Variants in SH2D2A observed in about 807,000 individuals in gnomAD.
SH2D2A encodes the protein SH2 domain-containing protein 2A.
Under a neutral mutation model 43.6 loss-of-function variants are expected in SH2D2A, and 33 were observed. That is an observed-to-expected ratio of 0.76 (90% CI 0.57 to 1.01). The LOEUF (loss-of-function observed/expected upper bound fraction) is 1.01, where lower values mean the gene tolerates loss of function less well. SH2D2A is among the 50% of genes least tolerant of loss of function. The probability of loss-of-function intolerance (pLI) is 0.00; values close to 1 mark genes in which losing one functional copy is unlikely to be tolerated. For synonymous variants in SH2D2A, 212 were observed against 206.1 expected (o/e 1.03, Z -0.25); for missense variants, 491 against 503.1 (o/e 0.98, Z 0.23).
In SH2D2A at chr1:156,809,598, C is replaced by G; in HGVS notation, c.714+63G>C. 1.3e-6 allele frequency: 2 copies of G among 1,565,866 alleles called. No individual in the cohort carries two copies. Among genetic ancestry groups the G allele is most frequent in the Non-Finnish European group, 1.7e-6 (2 of 1,157,048 alleles). ...TGCCCCCGCTAGGCCCCTCCTCCTC[C>G]CCGCTGCCTGCACCCCCTCGCAGGC... On this transcript the variant is annotated intron_variant, in intron 6 of 8. Coordinates refer to ENST00000368199, the MANE Select transcript of SH2D2A (RefSeq NM_003975.4). This position sits in a 1 kb window ranked among gnomAD's most constrained non-coding sequence, Gnocchi z 4.8.
intron 3 of SH2D2A, 189 bp from the exon 4 acceptor site, chr1:156,814,483 A>C (rs1165716734): frequency 1.7e-6 from 2 of 1,146,340 alleles, no homozygotes; most frequent in African/African-American, 1.6e-5. Flanking sequence ...TTAGGCGTGG[A>C]CAGGGGCCAG....
intron 5 of SH2D2A, 31 bp downstream of exon 5, chr1:156,813,817 G>A: frequency 3.6e-6 from 5 of 1,390,430 alleles, no homozygotes; most frequent in Non-Finnish European, 4.7e-6. Flanking sequence ...CCGAGACCCT[G>A]GGCTCTCTGG....
chr1:156,807,301 C>A lies in SH2D2A; in HGVS notation c.1047G>T (p.Gly349=). ...SQLHSENSVI[G]QGPPLPHQPP... ...GCTGGTGGGGCAGGGGAGGGCCTTGCCCAATCACAGAGTTCTCAGAATGCA... is the reference window on the plus strand; with the variant it reads ...GCTGGTGGGGCAGGGGAGGGCCTTGACCAATCACAGAGTTCTCAGAATGCA... The change falls in exon 8 of 9, where the codon GGG becomes GGT. Residue 349 remains glycine (G), a synonymous_variant. Coordinates refer to ENST00000368199, the MANE Select transcript of SH2D2A (RefSeq NM_003975.4). The surrounding 1 kb of genome is among the most constrained non-coding windows in gnomAD (Gnocchi z 5.1). The A allele has an allele frequency of 1.3e-6, 2 of 1,592,394 alleles. No individual in the cohort carries two copies. Among genetic ancestry groups the A allele is most frequent in the Middle Eastern group, 3.4e-4 (2 of 5,920 alleles).
chr1:156,808,283 C>CCG (rs1653117849), intron 7 of SH2D2A, among the ~76,000 whole-genome samples: 1 of 152,084 alleles, frequency 6.6e-6, no homozygotes. Context: ...AGCTGGGTAG[C>CCG]TGGAGAGTTA....
intron 5 of SH2D2A, among the ~76,000 whole-genome samples, chr1:156,810,033 G>A (rs1421139957): frequency 6.6e-6 from 1 of 152,128 alleles, no homozygotes; most frequent in East Asian, 1.9e-4. Context: ...GCCATATCTA[G>A]CATTAAAGTT....
rs773539471 is a variant in SH2D2A at position 156,809,469 on chromosome 1, T to TA, written c.735_736insT (p.Lys246Ter). On this transcript the variant is annotated frameshift_variant, in exon 7 of 9. Coordinates refer to ENST00000368199, the MANE Select transcript of SH2D2A (RefSeq NM_003975.4). LOFTEE classifies it high-confidence loss of function. This position sits in a 1 kb window ranked among gnomAD's most constrained non-coding sequence, Gnocchi z 4.8. ...TGAGGTTTGGCGGGGATGGGAGGCTTGGGCCTGAGCAGCTGGGAGGGCTGG... is the reference window on the plus strand; with the variant it reads ...TGAGGTTTGGCGGGGATGGGAGGCTTAGGGCCTGAGCAGCTGGGAGGGCTGG... 28 of 1,608,084 alleles carry TA rather than the reference T, an allele frequency of 1.7e-5. 1 individual carries two copies. In the South Asian group the frequency reaches 3.1e-4, roughly 18 times the overall value.
In SH2D2A at chr1:156,813,991, G is replaced by A. The variant is rs1417978754; in HGVS notation, c.424C>T (p.Leu142=). 2.0e-6 allele frequency: 3 copies of A among 1,521,982 alleles called. No individual in the cohort carries two copies. Among genetic ancestry groups the A allele is most frequent in the Non-Finnish European group, 2.6e-6 (3 of 1,136,576 alleles). The allele number at this position is 1,521,982 out of a possible 1,614,324, so 94.3% of individuals were successfully genotyped here. A position where few individuals can be genotyped will look rare whatever the true frequency, so the allele number is the denominator to read the frequency against. The change falls in exon 5 of 9, where the codon CTG becomes TTG. Residue 142 remains leucine, a synonymous_variant. Transcript: ENST00000368199. ...YRSRTCCRHF[L]LAQLRDGRHV... ...CGCCCGTCCCTGAGCTGGGCCAGCA[G>A]GAAGTGGCGGCAGCAAGTCCGGCTC...
intron 7 of SH2D2A, among the ~76,000 whole-genome samples, chr1:156,808,443 C>T (rs1192288018): frequency 2.0e-5 from 3 of 152,080 alleles, no homozygotes; most frequent in South Asian, 2.1e-4. Context: ...GGACAGGTGA[C>T]GTTAGCTCTA....
At chr1:156,814,073 C>A (rs1653636889) in intron 4 of SH2D2A, 57 bp from the exon 5 acceptor site, 1 of 1,490,110 alleles carries the variant, frequency 6.7e-7, no homozygotes. Context: ...GGGTCACCAG[C>A]GAGAGGCGTG....
At chr1:156,811,205 A>G (rs1441709389) in intron 5 of SH2D2A, among the ~76,000 whole-genome samples, 1 of 152,124 alleles carries the variant, frequency 6.6e-6, no homozygotes, top group Non-Finnish European at 1.5e-5. Flanking sequence ...ATCAAACACA[A>G]GTCCTGCTCC....
intron 5 of SH2D2A, among the ~76,000 whole-genome samples, chr1:156,812,940 C>T (rs1653524810): frequency 6.6e-6 from 1 of 152,200 alleles, no homozygotes; most frequent in Non-Finnish European, 1.5e-5. Context: ...ACAGTGGTCC[C>T]TCAGCACTGC....
rs147055208 is a variant in SH2D2A at position 156,816,697 on chromosome 1, G to A, written c.12C>T (p.Pro4=). ...TACCTTGGGGACATATCTGGGCCAG[G>A]GGGAACTCCATGAGGGCAGCCTCAC... is the stretch of plus-strand genomic sequence containing the variant. MEF[P]LAQICPQGSH... is the part of the protein sequence containing the mutation. The change falls in exon 1 of 9, where the codon CCC becomes CCT. Residue 4 remains proline (P), a synonymous_variant. Coordinates refer to ENST00000368199, the MANE Select transcript of SH2D2A (RefSeq NM_003975.4). 3.1e-6 allele frequency: 5 copies of A among 1,601,476 alleles called. No individual in the cohort carries two copies. The African/African-American group carries it at 6.8e-5, about 22-fold the overall frequency.
At chr1:156,806,942 T>G (rs1447663739) in intron 8 of SH2D2A, among the ~76,000 whole-genome samples, 3 of 152,310 alleles carry the variant, frequency 2.0e-5, no homozygotes, top group Non-Finnish European at 4.4e-5. Flanking sequence ...AGTTCAGATA[T>G]GACCTTAACA....
rs1283752350 is a variant in SH2D2A, at chr1:156,809,013, A to G, written c.1002+190T>C. On this transcript the variant is annotated intron_variant, in intron 7 of 8. Coordinates refer to ENST00000368199, the MANE Select transcript of SH2D2A (RefSeq NM_003975.4). The surrounding 1 kb of genome is among the most constrained non-coding windows in gnomAD (Gnocchi z 4.8). ...AGATGAGGTCTGAGCGACTCTGGGG[A>G]GAAGAGGGGGCAGCCTCTGGGCCTG... Among the ~76,000 whole-genome samples the G allele has an allele frequency of 1.3e-5, 2 of 151,982 alleles. No homozygotes were observed. Among genetic ancestry groups the G allele is most frequent in the Non-Finnish European group, 1.5e-5 (1 of 67,962 alleles).
chr1:156,812,769 T>G (rs367915734), intron 5 of SH2D2A, among the ~76,000 whole-genome samples: 1 of 152,340 alleles, frequency 6.6e-6, no homozygotes, highest in East Asian at 1.9e-4. Context: ...CTTGTCAGTG[T>G]GTACTCATCA....
In SH2D2A at chr1:156,809,423, G is replaced by A. The variant is rs766737304; in HGVS notation, c.782C>T (p.Thr261Ile). Residue 261 changes from threonine to isoleucine, a missense_variant, in exon 7 of 9, where the codon ACA (threonine) becomes ATA (isoleucine). By Grantham distance (89) the Thr-to-Ile change is moderately conservative. Transcript: ENST00000368199. This position sits in a 1 kb window ranked among gnomAD's most constrained non-coding sequence, Gnocchi z 4.8. ...AKPQLPPEVYTIPVPRHRPAP... is the reference protein window; with the variant it reads ...AKPQLPPEVYIIPVPRHRPAP... ...CGGGCGGTGTCGTGGAACAGGGATT[G>A]TGTAGACTTCTGGGGGCAGCTGAGG... is the stretch of plus-strand genomic sequence containing the variant. The A allele has an allele frequency of 2.5e-6, 4 of 1,613,514 alleles. No individual in the cohort carries two copies. Among genetic ancestry groups the A allele is most frequent in the Non-Finnish European group, 3.4e-6 (4 of 1,180,002 alleles).
chr1:156,809,601 G>A lies in SH2D2A; in HGVS notation c.714+60C>T, dbSNP rs534039679. ...CCCCGCTAGGCCCCTCCTCCTCCCC[G>A]CTGCCTGCACCCCCTCGCAGGCCTG... On this transcript the variant is annotated intron_variant, in intron 6 of 8. Coordinates refer to ENST00000368199, the MANE Select transcript of SH2D2A (RefSeq NM_003975.4). The surrounding 1 kb of genome is among the most constrained non-coding windows in gnomAD (Gnocchi z 4.8). 1.5e-5 allele frequency: 23 copies of A among 1,563,458 alleles called. 1 individual carries two copies. Among genetic ancestry groups the A allele is most frequent in the Admixed American group, 1.3e-4 (7 of 52,254 alleles).
rs745587208 is a variant in SH2D2A, at chr1:156,815,052, C to G, written c.293G>C (p.Gly98Ala). The change falls in exon 3 of 9, where the codon GGC becomes GCC. Residue 98 changes from glycine (G) to alanine (A), a missense_variant. Coordinates refer to ENST00000368199, the MANE Select transcript of SH2D2A (RefSeq NM_003975.4). ...CATGACTCACCTCCGGGTGATGAAGCCATGGAACCAGGCAGGGGCTGCCCC... is the reference window on the plus strand; with the variant it reads ...CATGACTCACCTCCGGGTGATGAAGGCATGGAACCAGGCAGGGGCTGCCCC... ...QHGAAPAWFHGFITRREAERL... is the reference protein window; with the variant it reads ...QHGAAPAWFHAFITRREAERL... 1.3e-5 allele frequency: 21 copies of G among 1,566,958 alleles called. No individual in the cohort carries two copies. The highest frequency in any genetic ancestry group is 4.1e-5 in the African/African-American group (3 of 72,780).
rs1249307626 is a variant in SH2D2A at position 156,806,310 on chromosome 1, A to T, written c.*267T>A. ...CAAGAATCAACAAACAAGTTCTAAC[A>T]TCTGTTCTCACCAAACCATTCCTCA... On this transcript the variant is annotated 3_prime_UTR_variant, in exon 9 of 9. Coordinates refer to ENST00000368199, the MANE Select transcript of SH2D2A (RefSeq NM_003975.4). 4.6e-5 allele frequency: 7 copies of T among 152,274 alleles called. No homozygotes were observed. The highest frequency in any genetic ancestry group is 4.6e-4 in the Admixed American group (7 of 15,288). 9.4% of individuals were successfully genotyped at this position (152,274 alleles called of 1,614,324 possible).
Sources: gnomAD v4.1 joint callset for allele counts (sites outside exome capture counted in the v4.1 genomes callset) on GRCh38, gnomAD v4.1.1 for gene constraint, Gnocchi (gnomAD v3.1) non-coding constraint, MANE v1.5 for transcripts, NCBI Gene and HGNC (gene_info 2026-07-23, HGNC 2026-07-21) for gene names.